The following RELN variants were observed in gnomAD, a reference collection of about 807,000 sequenced individuals.
RELN encodes the protein reelin.
Under a neutral mutation model 427.6 loss-of-function variants are expected in RELN, and 108 were observed. The observed-to-expected ratio is 0.25, with a 90% CI of 0.22 to 0.30. The LOEUF (loss-of-function observed/expected upper bound fraction) is 0.30. Ranked by LOEUF, RELN falls within the 10% of genes least tolerant of loss-of-function variation. The pLI is 1.00. For synonymous variants in RELN, 1,524 were observed against 1,513.4 expected, an observed-to-expected ratio of 1.01 and a Z score of -0.16; for missense variants, 3,715 against 4,302.8, an observed-to-expected ratio of 0.86 and a Z score of 3.82.
rs369997646 is a variant in RELN, at chr7:103,776,576, C to G, written c.525G>C (p.Gln175His). Residue 175 changes from glutamine (Q) to histidine (H), a missense_variant, in exon 4 of 65, where the codon CAG becomes CAC. Gln to His is a conservative substitution (Grantham distance 24). Coordinates refer to ENST00000428762, the MANE Select transcript of RELN (RefSeq NM_005045.4). Reference sequence around the variant, plus strand: ...GCTTACCTCCTTGTTCACACAACTGCTGGGCTAAAGCATCTTTGAAAATAA... The same window carrying G: ...GCTTACCTCCTTGTTCACACAACTGGTGGGCTAAAGCATCTTTGAAAATAA... Reference protein sequence around the residue: ...GQVIFKDALAQQLCEQGAPTD... With the variant: ...GQVIFKDALAHQLCEQGAPTD... 3.1e-6 allele frequency: 5 copies of G among 1,613,984 alleles called. No individual in the cohort carries two copies. Among genetic ancestry groups the G allele is most frequent in the African/African-American group, 1.3e-5 (1 of 74,930 alleles).
intron 51 of RELN, among the ~76,000 whole-genome samples, chr7:103,505,692 C>T (rs1829185551): frequency 6.6e-6 from 1 of 152,184 alleles, no homozygotes; most frequent in East Asian, 1.9e-4. Context: ...TCCAAAGGAT[C>T]ACAACTCCTC....
At chr7:103,917,618 A>C (rs932051684) in intron 1 of RELN, among the ~76,000 whole-genome samples, 1 of 151,706 alleles carries the variant, frequency 6.6e-6, no homozygotes, top group Non-Finnish European at 1.5e-5. Context: ...GAAGAACAGT[A>C]AGATGAACCA....
At chr7:103,648,082 T>C (rs1353182761) in intron 16 of RELN, among the ~76,000 whole-genome samples, 1 of 152,002 alleles carries the variant, frequency 6.6e-6, no homozygotes, top group East Asian at 1.9e-4. Flanking sequence ...ATGTAAGATA[T>C]GAAACTATAA....
Position 103,493,340 on chromosome 7 carries a change from A to G in RELN, c.9370-1314T>C, listed in dbSNP as rs541629822. On this transcript the variant is annotated intron_variant, in intron 57 of 64. Coordinates refer to ENST00000428762, the MANE Select transcript of RELN (RefSeq NM_005045.4). ...AATCAAAGCCTAGTTGAACATTTCA[A>G]GCTAGTTACTAGGTGATTGGTGGTG... 5.3e-5 allele frequency among the ~76,000 whole-genome samples: 8 copies of G among 152,352 alleles called. 1 individual carries two copies. Among genetic ancestry groups the G allele is most frequent in the African/African-American group, 1.9e-4 (8 of 41,586 alleles).
At chr7:103,509,320 A>G (rs914386694) in intron 51 of RELN, among the ~76,000 whole-genome samples, 5 of 152,132 alleles carry the variant, frequency 3.3e-5, no homozygotes, top group African/African-American at 9.7e-5. Flanking sequence ...GACCAATCAA[A>G]CAGAACAGAG....
intron 1 of RELN, among the ~76,000 whole-genome samples, chr7:103,978,187 C>T (rs1163453011): frequency 6.6e-6 from 1 of 152,128 alleles, no homozygotes; most frequent in Non-Finnish European, 1.5e-5. Context: ...TTCTTCCTAA[C>T]CGAAATTTTC....
intron 3 of RELN, among the ~76,000 whole-genome samples, chr7:103,781,869 G>T (rs2116232823): frequency 6.6e-6 from 1 of 151,678 alleles, no homozygotes; most frequent in South Asian, 2.1e-4. Flanking sequence ...CGGGGGGAAG[G>T]TCCATCACAC....
At chr7:103,720,096 A>G (rs1790038929) in intron 8 of RELN, among the ~76,000 whole-genome samples, 1 of 151,704 alleles carries the variant, frequency 6.6e-6, no homozygotes, top group Non-Finnish European at 1.5e-5. Flanking sequence ...TATAATATAT[A>G]TAATTATATA....
At chr7:103,682,282 C>T (rs758364854) in intron 10 of RELN, 21 bp from the exon 11 acceptor site, 33 of 1,613,482 alleles carry the variant, frequency 2.0e-5, no homozygotes, top group Non-Finnish European at 2.6e-5. Flanking sequence ...AAAGAGAGCA[C>T]GGGGTGGCTG....
rs554466820 is a variant in RELN, at chr7:103,918,036, G to T, written c.227-851C>A. 6.1e-4 allele frequency among the ~76,000 whole-genome samples: 93 copies of T among 152,178 alleles called. No homozygotes were observed. In the South Asian group the frequency reaches 0.019, roughly 31 times the overall value. On this transcript the variant is annotated intron_variant, in intron 1 of 64. Transcript: ENST00000428762. ...TTTAGGTAGTGCACAGTACAAGGCT[G>T]TCATCATCCTTGGTGGCAATAAGGA...
rs778716913 is a variant in RELN at position 103,604,353 on chromosome 7, T to G, written c.3139A>C (p.Ile1047Leu). ...CSGHGSCDHG[I>L]CRCDQGYQGT... is the part of the protein sequence containing the mutation. ...GCTTTCTGGTGCACATACCTGCATA[T>G]GCCATGATCGCATGAGCCATGCCCA... The change falls in exon 23 of 65, where the codon ATA becomes CTA. Residue 1047 changes from isoleucine (I) to leucine (L), a missense_variant. By Grantham distance (5) the Ile-to-Leu change is conservative. Around this residue, in one of 4 missense-constraint regions of RELN, gnomAD observed 2,208 missense variants for 2,361.7 expected, o/e 0.93. Coordinates refer to ENST00000428762, the MANE Select transcript of RELN (RefSeq NM_005045.4). The G allele has an allele frequency of 5.0e-6, 8 of 1,613,678 alleles. No homozygotes were observed. In the South Asian group the frequency reaches 5.5e-5, roughly 11 times the overall value.
rs570767626 is a variant in RELN, at chr7:103,681,491, T to C, written c.1289+625A>G. Among the ~76,000 whole-genome samples the C allele has an allele frequency of 1.8e-4, 27 of 152,012 alleles. No homozygotes were observed. In the South Asian group the frequency reaches 4.4e-3, roughly 25 times the overall value. On this transcript the variant is annotated intron_variant, in intron 11 of 64. Transcript: ENST00000428762. ...TTTTGAGTTTCTAATCTTATTAATG[T>C]TTTTTTTCAACTTGAACTTCTGAAA...
chr7:103,555,472 A>G (rs1175548381), intron 38 of RELN, among the ~76,000 whole-genome samples: 1 of 152,046 alleles, frequency 6.6e-6, no homozygotes, highest in African/African-American at 2.4e-5. Context: ...TAATTAGGTG[A>G]GCACTCCAAA....
intron 45 of RELN, among the ~76,000 whole-genome samples, chr7:103,536,163 T>C (rs1025596634): frequency 4.6e-4 from 70 of 152,294 alleles, no homozygotes; most frequent in South Asian, 2.1e-4. Flanking sequence ...TGTTATAGAA[T>C]ATATATAAAA....
intron 2 of RELN, among the ~76,000 whole-genome samples, chr7:103,914,514 T>A (rs1795440540): frequency 6.6e-6 from 1 of 152,178 alleles, no homozygotes. Context: ...AAGGAAATGG[T>A]CTGCTTCAGT....
chr7:103,589,076 T>C (rs1831348431), intron 28 of RELN, among the ~76,000 whole-genome samples: 1 of 152,202 alleles, frequency 6.6e-6, no homozygotes, highest in South Asian at 2.1e-4. Context: ...GAGAGACATC[T>C]TTTTCATACA....
At chr7:103,777,801 C>G (rs1042389217) in intron 3 of RELN, among the ~76,000 whole-genome samples, 3 of 151,776 alleles carry the variant, frequency 2.0e-5, no homozygotes, top group Admixed American at 6.6e-5. Context: ...TGAAGGTAAT[C>G]TGATAAATTA....
At chr7:103,653,963 AC>A in intron 13 of RELN, 129 bp downstream of exon 13, 1 of 691,228 alleles carries the variant, frequency 1.4e-6, no homozygotes, top group South Asian at 1.5e-5. Context: ...TTTTAAAGAA[AC>A]CTGGCGACCT....
At chr7:103,935,673 T>C (rs1258401776) in intron 1 of RELN, among the ~76,000 whole-genome samples, 2 of 152,174 alleles carry the variant, frequency 1.3e-5, no homozygotes, top group Non-Finnish European at 2.9e-5. Context: ...GTATTTGACA[T>C]CACCATTTGA....
Sources: allele counts gnomAD v4.1 joint callset (sites outside exome capture counted in the v4.1 genomes callset), GRCh38; gene constraint gnomAD v4.1.1; regional missense constraint gnomAD v4.1.1; transcripts MANE v1.5; gene names NCBI Gene and HGNC (gene_info 2026-07-23, HGNC 2026-07-21).